The following CSMD1 variants were observed in gnomAD, a reference collection of about 807,000 sequenced individuals.
CSMD1 encodes the protein CUB and Sushi multiple domains 1.
In CSMD1, 213 loss-of-function variants were observed where a neutral mutation model predicts 417.5. That is an observed-to-expected ratio of 0.51 (90% confidence interval 0.46 to 0.57). The LOEUF (loss-of-function observed/expected upper bound fraction) is 0.57. Ranked by LOEUF, CSMD1 falls within the 20% of genes least tolerant of loss-of-function variation. CSMD1 has a pLI of 0.00. For missense variants in CSMD1, 6,923 were observed against 4,529.7 expected, an observed-to-expected ratio of 1.53 and a Z score of -15.17; for synonymous variants, 2,862 against 1,736.8, an observed-to-expected ratio of 1.65 and a Z score of -16.11.
At chr8:3,954,428 G>T (rs1241738196) in intron 5 of CSMD1, among the ~76,000 whole-genome samples, 1 of 152,078 alleles carries the variant, frequency 6.6e-6, no homozygotes, top group Non-Finnish European at 1.5e-5. Flanking sequence ...AGTGGCGGTG[G>T]TGATCTCAGC....
chr8:3,281,107 T>G (rs1802702425), intron 26 of CSMD1, among the ~76,000 whole-genome samples: 1 of 152,118 alleles, frequency 6.6e-6, no homozygotes, highest in Admixed American at 6.5e-5. Flanking sequence ...TTAGGCATAA[T>G]TGCCAAAATT....
chr8:3,279,091 A>G (rs1169922444), intron 26 of CSMD1: 1 of 152,194 alleles, frequency 6.6e-6, no homozygotes, highest in African/African-American at 2.4e-5. Flanking sequence ...GGCAAGCTAC[A>G]TTTTGTGGAG....
At chr8:3,015,369 C>T (rs537536469) in intron 52 of CSMD1, among the ~76,000 whole-genome samples, 2 of 152,130 alleles carry the variant, frequency 1.3e-5, no homozygotes, top group South Asian at 2.1e-4. Context: ...TGGGTAATTT[C>T]CCATTTTTTC....
At chr8:3,201,899 C>G (rs1797010718) in intron 31 of CSMD1, among the ~76,000 whole-genome samples, 174 bp from the exon 32 acceptor site, 1 of 151,956 alleles carries the variant, frequency 6.6e-6, no homozygotes, top group Non-Finnish European at 1.5e-5. Context: ...GTTGACAAAA[C>G]TATTTTACTT....
At chr8:4,751,800 A>G (rs1018608727) in intron 1 of CSMD1, among the ~76,000 whole-genome samples, 2 of 152,264 alleles carry the variant, frequency 1.3e-5, no homozygotes, top group Admixed American at 6.5e-5. Flanking sequence ...TCTGCCCCGT[A>G]CATGCAGAGT....
chr8:3,250,552 A>G (rs1800185869), intron 26 of CSMD1, among the ~76,000 whole-genome samples: 1 of 152,204 alleles, frequency 6.6e-6, no homozygotes, highest in South Asian at 2.1e-4. Flanking sequence ...AGCATGATTT[A>G]TAGTCCTTTG....
Position 4,303,157 on chromosome 8 carries a change from A to G in CSMD1, c.415+116796T>C, listed in dbSNP as rs1397995734. Among the ~76,000 whole-genome samples the G allele has an allele frequency of 2.0e-5, 3 of 152,296 alleles. No homozygotes were observed. The East Asian group carries it at 5.8e-4, about 29-fold the overall frequency. ...TCTCTAGGAACTAAAACTTCCCTCA[A>G]ACATATAATAGGGCATGAATATTGT... On this transcript the variant is annotated intron_variant, in intron 3 of 69. Transcript: ENST00000635120.
chr8:3,509,322 A>T (rs1233327600), intron 10 of CSMD1, among the ~76,000 whole-genome samples: 1 of 152,220 alleles, frequency 6.6e-6, no homozygotes, highest in Non-Finnish European at 1.5e-5. Flanking sequence ...TAGTTATAGT[A>T]AATCATTTTA....
At chr8:3,575,926 C>T (rs73660304) in intron 9 of CSMD1, among the ~76,000 whole-genome samples, 1,560 of 151,642 alleles carry the variant, frequency 0.01, 24 homozygotes, top group African/African-American at 0.034. Context: ...ATAATTTAAA[C>T]TGGGTTTCAG....
intron 1 of CSMD1, among the ~76,000 whole-genome samples, chr8:4,699,644 T>TA (rs1433196019): frequency 6.6e-6 from 1 of 152,214 alleles, no homozygotes; most frequent in Non-Finnish European, 1.5e-5. Context: ...ACAAGCCAGA[T>TA]AAAAATTTAG....
Position 4,775,975 on chromosome 8 carries a change from G to C in CSMD1, c.86-138417C>G, listed in dbSNP as rs530289602. ...GTCCATGACCAACATTAAATGAGACGGAGGGAACAGCAACCTCAGAAATGC... is the reference window on the plus strand; with the variant it reads ...GTCCATGACCAACATTAAATGAGACCGAGGGAACAGCAACCTCAGAAATGC... On this transcript the variant is annotated intron_variant, in intron 1 of 69. Coordinates refer to ENST00000635120, the MANE Select transcript of CSMD1 (RefSeq NM_033225.6). 1.0e-3 allele frequency among the ~76,000 whole-genome samples: 152 copies of C among 152,246 alleles called. 4 individuals are homozygous for C. The South Asian group carries it at 0.029, about 29-fold the overall frequency.
chr8:4,705,091 G>A (rs1807839688), intron 1 of CSMD1, among the ~76,000 whole-genome samples: 1 of 152,092 alleles, frequency 6.6e-6, no homozygotes, highest in South Asian at 2.1e-4. Flanking sequence ...GGTTTTATAA[G>A]TGTTTGACAG....
intron 2 of CSMD1, among the ~76,000 whole-genome samples, chr8:4,500,142 G>A (rs1802183480): frequency 6.6e-6 from 1 of 152,000 alleles, no homozygotes; most frequent in African/African-American, 2.4e-5. Context: ...AAGAGGAGAA[G>A]TTATACGAGG....
At position 4,304,350 on chromosome 8, in the gene CSMD1, A is replaced by T. The variant is rs191156445; in HGVS notation, c.415+115603T>A. ...TATGTCAAACTGATGTCTTAGATAC[A>T]TTCCATTTGATTATCAAAGTGAGCT... On this transcript the variant is annotated intron_variant, in intron 3 of 69. Transcript: ENST00000635120. 5.1e-4 allele frequency among the ~76,000 whole-genome samples: 78 copies of T among 152,248 alleles called. 2 individuals carry two copies. The East Asian group carries it at 0.014, about 28-fold the overall frequency.
At chr8:3,294,840 C>CT (rs1412746088) in intron 25 of CSMD1, among the ~76,000 whole-genome samples, 1 of 152,102 alleles carries the variant, frequency 6.6e-6, no homozygotes, top group Non-Finnish European at 1.5e-5. Context: ...CCTGCACCCA[C>CT]TTTCCGACAC....
At chr8:3,845,777 G>A (rs896740958) in intron 5 of CSMD1, among the ~76,000 whole-genome samples, 1 of 152,058 alleles carries the variant, frequency 6.6e-6, no homozygotes, top group Non-Finnish European at 1.5e-5. Flanking sequence ...TTGTACAGCT[G>A]TATAAAATAT....
At position 3,189,899 on chromosome 8, in the gene CSMD1, G is replaced by A. The variant is rs1293365513; in HGVS notation, c.5398+13C>T. On this transcript the variant is annotated intron_variant, in intron 34 of 69. Transcript: ENST00000635120. ...AGAGTTCTGGCGGGCAGCCGCTTAG[G>A]GACACTGCTCACCCACACAGCTGGG... 1.9e-6 allele frequency: 3 copies of A among 1,562,096 alleles called. No homozygotes were observed. The highest frequency in any genetic ancestry group is 2.4e-5 in the South Asian group (2 of 84,840).
chr8:4,282,746 G>A (rs1796856670), intron 3 of CSMD1, among the ~76,000 whole-genome samples: 1 of 152,116 alleles, frequency 6.6e-6, no homozygotes, highest in African/African-American at 2.4e-5. Context: ...TGTAGCAATA[G>A]TATGTTTAAA....
intron 3 of CSMD1, among the ~76,000 whole-genome samples, chr8:4,250,778 C>G (rs1803012522): frequency 6.6e-6 from 1 of 152,112 alleles, no homozygotes; most frequent in Non-Finnish European, 1.5e-5. Flanking sequence ...GCCAGTAACT[C>G]AAAAATTACT....
Sources: gnomAD v4.1 joint callset for allele counts (sites outside exome capture counted in the v4.1 genomes callset) on GRCh38, gnomAD v4.1.1 for gene constraint, MANE v1.5 for transcripts, NCBI Gene and HGNC (gene_info 2026-07-23, HGNC 2026-07-21) for gene names.